VRK2: variants seen among roughly 807,000 people sequenced by gnomAD.
The protein encoded by VRK2 is VRK serine/threonine kinase 2, also known as serine/threonine-protein kinase VRK2.
Under a neutral mutation model 57.6 loss-of-function variants are expected in VRK2, and 60 were observed. The ratio of observed to expected loss-of-function variants is 1.04; its 90% CI spans 0.85 to 1.29. The LOEUF is 1.29. Ranked by LOEUF, VRK2 falls within the 50% of genes most tolerant of loss-of-function variation. The pLI is 0.00. For synonymous variants in VRK2, 231 were observed against 199.2 expected, an observed-to-expected ratio of 1.16 and a Z score of -1.35; for missense variants, 705 against 588.1, an observed-to-expected ratio of 1.20 and a Z score of -2.06.
chr2:58,075,644 AT>A (rs1324031158), intron 2 of VRK2, among the ~76,000 whole-genome samples: 2 of 151,996 alleles, frequency 1.3e-5, no homozygotes, highest in Non-Finnish European at 2.9e-5. Context: ...GTATAAACCT[AT>A]TTTTTTGGTG....
intron 3 of VRK2, among the ~76,000 whole-genome samples, chr2:58,040,769 G>C (rs977773173): frequency 1.3e-5 from 2 of 152,160 alleles, no homozygotes; most frequent in African/African-American, 2.4e-5. Flanking sequence ...CCAACCAAAA[G>C]GTTCACAGTA....
At chr2:57,932,509 A>G (rs1476054128) in intron 1 of VRK2, among the ~76,000 whole-genome samples, 1 of 152,174 alleles carries the variant, frequency 6.6e-6, no homozygotes. Flanking sequence ...GGAGTTTCTT[A>G]TGACTGAATT....
chr2:58,055,877 C>G (rs1676438434), intron 2 of VRK2, among the ~76,000 whole-genome samples: 1 of 152,158 alleles, frequency 6.6e-6, no homozygotes, highest in Non-Finnish European at 1.5e-5. Flanking sequence ...AGAAAATCTT[C>G]TGAGTTTTCT....
intron 1 of VRK2, among the ~76,000 whole-genome samples, chr2:57,920,959 T>C (rs1453295337): frequency 6.6e-6 from 1 of 152,116 alleles, no homozygotes; most frequent in African/African-American, 2.4e-5. Flanking sequence ...TGTTATTTCA[T>C]TTGCTCCTCT....
intron 10 of VRK2, among the ~76,000 whole-genome samples, chr2:58,137,244 T>TATATGATACATATATATC (rs1680660462): frequency 1.7e-5 from 2 of 114,872 alleles, no homozygotes; most frequent in African/African-American, 7.3e-5. Context: ...ATATATATCA[T>TATATGATACATATATATC]ATATATGATA....
At chr2:58,017,800 T>C (rs1673631367) in intron 1 of VRK2, among the ~76,000 whole-genome samples, 1 of 152,178 alleles carries the variant, frequency 6.6e-6, no homozygotes, top group African/African-American at 2.4e-5. Flanking sequence ...TTATTTCTTA[T>C]TAATGATAGT....
intron 12 of VRK2, among the ~76,000 whole-genome samples, chr2:58,158,169 C>G (rs893415709): frequency 7.7e-6 from 1 of 130,026 alleles, no homozygotes; most frequent in Non-Finnish European, 1.7e-5. Context: ...GTAAATGCTG[C>G]TCTATGATTT....
chr2:58,082,792 T>G (rs1338792147), intron 2 of VRK2, among the ~76,000 whole-genome samples: 1 of 151,856 alleles, frequency 6.6e-6, no homozygotes, highest in East Asian at 1.9e-4. Flanking sequence ...AGGTCTGGGT[T>G]TACAATTTAA....
At position 58,123,205 on chromosome 2, in the gene VRK2, T is replaced by G. The variant is rs17049354; in HGVS notation, c.648T>G (p.Phe216Leu). Residue 216 changes from phenylalanine (F) to leucine (L), a missense_variant, in exon 8 of 13, where the codon TTT becomes TTG. Transcript: ENST00000340157. ...AAGGCCATAATGGGACAATAGAGTTTACCAGCTTGGATGCCCACAAGGGAG... is the reference window on the plus strand; with the variant it reads ...AAGGCCATAATGGGACAATAGAGTTGACCAGCTTGGATGCCCACAAGGGAG... Reference protein sequence around the residue: ...PRKGHNGTIEFTSLDAHKGVA... With the variant: ...PRKGHNGTIELTSLDAHKGVA... 6 of 1,587,356 alleles carry G rather than the reference T, an allele frequency of 3.8e-6. No individual in the cohort carries two copies. The South Asian group carries it at 7.0e-5, about 19-fold the overall frequency.
chr2:58,002,233 C>A (rs958239105), intron 1 of VRK2, among the ~76,000 whole-genome samples: 1 of 152,172 alleles, frequency 6.6e-6, no homozygotes, highest in Non-Finnish European at 1.5e-5. Context: ...GTAATCCCAG[C>A]ACTTTGGGAG....
intron 2 of VRK2, among the ~76,000 whole-genome samples, chr2:58,078,199 C>T (rs1220397756): frequency 6.6e-6 from 1 of 151,962 alleles, no homozygotes; most frequent in Non-Finnish European, 1.5e-5. Flanking sequence ...TTTTTTGTTT[C>T]TATGAATTTA....
chr2:58,113,605 G>A lies in VRK2; in HGVS notation c.544-9496G>A, dbSNP rs773676800. Among the ~76,000 whole-genome samples, 12 of 152,266 alleles carry A rather than the reference G, an allele frequency of 7.9e-5. No individual in the cohort carries two copies. In the South Asian group the frequency reaches 1.5e-3, roughly 18 times the overall value. Reference sequence around the variant, plus strand: ...GGTAATGGAAAATTACAGTCAAAGGGGGTTGTTCTCTGGTGGGCAGGGGCG... The same window carrying A: ...GGTAATGGAAAATTACAGTCAAAGGAGGTTGTTCTCTGGTGGGCAGGGGCG... On this transcript the variant is annotated intron_variant, in intron 7 of 12. Coordinates refer to ENST00000340157, the MANE Select transcript of VRK2 (RefSeq NM_006296.7).
intron 10 of VRK2, among the ~76,000 whole-genome samples, chr2:58,137,953 T>G (rs1329707616): frequency 6.6e-6 from 1 of 152,160 alleles, no homozygotes; most frequent in African/African-American, 2.4e-5. Flanking sequence ...ATAATGGAAA[T>G]GGCTCTTTTT....
intron 10 of VRK2, among the ~76,000 whole-genome samples, chr2:58,138,497 T>C (rs1680865974): frequency 6.6e-6 from 1 of 152,220 alleles, no homozygotes; most frequent in Non-Finnish European, 1.5e-5. Context: ...GAAATAGCTC[T>C]GTACTATATG....
chr2:57,923,027 C>T (rs368754962), intron 1 of VRK2, among the ~76,000 whole-genome samples: 1 of 152,006 alleles, frequency 6.6e-6, no homozygotes, highest in Non-Finnish European at 1.5e-5. Flanking sequence ...CCAGTTCCAT[C>T]CATGTTGTTG....
chr2:58,026,985 C>G (rs182833214), intron 2 of VRK2: 29 of 151,948 alleles, frequency 1.9e-4, no homozygotes, highest in African/African-American at 6.8e-4. Context: ...TCCCAAAGTG[C>G]TGGGATTACA....
chr2:57,980,268 T>C (rs569835106), intron 1 of VRK2, among the ~76,000 whole-genome samples: 32 of 152,276 alleles, frequency 2.1e-4, no homozygotes, highest in African/African-American at 7.7e-4. Flanking sequence ...ATTTTTTTTA[T>C]TTTTGCCCTA....
intron 7 of VRK2, among the ~76,000 whole-genome samples, chr2:58,098,923 G>C (rs1673547120): frequency 6.6e-6 from 1 of 151,980 alleles, no homozygotes; most frequent in Non-Finnish European, 1.5e-5. Flanking sequence ...TTCATTGATA[G>C]GTAGGTAGAT....
intron 2 of VRK2, among the ~76,000 whole-genome samples, chr2:58,051,819 C>T (rs1037766768): frequency 2.0e-5 from 3 of 152,050 alleles, no homozygotes; most frequent in Non-Finnish European, 4.4e-5. Context: ...AATAATGTGC[C>T]TCTAGCATTA....
Sources: gnomAD v4.1 joint callset for allele counts (sites outside exome capture counted in the v4.1 genomes callset) on GRCh38, gnomAD v4.1.1 for gene constraint, MANE v1.5 for transcripts, NCBI Gene and HGNC (gene_info 2026-07-23, HGNC 2026-07-21) for gene names.